The following SEMA4A variants were observed in gnomAD, a reference collection of about 807,000 sequenced individuals.
SEMA4A encodes the protein semaphorin 4A, also known as semaphorin-4A.
SEMA4A carries 52 observed loss-of-function variants against 72.5 expected under a neutral mutation model. The observed-to-expected ratio is 0.72, with a 90% confidence interval of 0.57 to 0.90. The LOEUF (loss-of-function observed/expected upper bound fraction) is 0.90. SEMA4A is among the 40% of genes least tolerant of loss of function. SEMA4A has a pLI of 0.00. For missense variants in SEMA4A, 926 were observed against 959.7 expected (o/e 0.96, Z 0.46); for synonymous variants, 369 against 393.1 (o/e 0.94, Z 0.73).
At chr1:156,173,134 C>A in intron 11 of SEMA4A, 128 bp downstream of exon 11, 1 of 966,078 alleles carries the variant, frequency 1.0e-6, no homozygotes, top group Non-Finnish European at 1.6e-6. Context: ...CTGCTATGTG[C>A]CTGGCATTCT....
At chr1:156,163,328 A>G in intron 10 of SEMA4A, 1 of 563,588 alleles carries the variant, frequency 1.8e-6, no homozygotes, top group Non-Finnish European at 3.2e-6. Context: ...AGTGTACACC[A>G]AATATCTGGG....
rs911784200 is a variant in SEMA4A at position 156,154,376 on chromosome 1, G to A, written c.-29-174G>A. ...GTGACAGGCTGAGGCCTGGAAGGAT[G>A]ATGAAAGTGAGACCGTCTTAGGGCC... On this transcript the variant is annotated intron_variant, in intron 1 of 14. Transcript: ENST00000368285. 6 of 621,656 alleles carry A rather than the reference G, an allele frequency of 9.7e-6. No individual in the cohort carries two copies. The East Asian group carries it at 1.7e-4, about 17-fold the overall frequency. The allele number at this position is 621,656 out of a possible 1,614,324, so 38.5% of individuals were successfully genotyped here.
At chr1:156,160,226 G>A (rs1653453844) in intron 6 of SEMA4A, among the ~76,000 whole-genome samples, 1 of 152,030 alleles carries the variant, frequency 6.6e-6, no homozygotes, top group African/African-American at 2.4e-5. Context: ...AAACACGGAG[G>A]GCCACACAGG....
upstream of SEMA4A, among the ~76,000 whole-genome samples, chr1:156,151,076 G>A (rs970732654): frequency 2.0e-5 from 3 of 152,216 alleles, no homozygotes; most frequent in African/African-American, 7.2e-5. Flanking sequence ...TCATTTGTAC[G>A]GTTGTCAGGA....
At chr1:156,174,144 G>A (rs991255641) in intron 11 of SEMA4A, among the ~76,000 whole-genome samples, 3 of 152,100 alleles carry the variant, frequency 2.0e-5, no homozygotes, top group African/African-American at 7.2e-5. Flanking sequence ...GAAAGAGGGA[G>A]ACGGAGTCAG....
intron 6 of SEMA4A, 42 bp from the exon 7 acceptor site, chr1:156,160,401 C>T (rs762838301): frequency 2.0e-6 from 3 of 1,497,744 alleles, no homozygotes; most frequent in South Asian, 1.1e-5. Flanking sequence ...CAGAGGAACC[C>T]TCCACCCCAT....
chr1:156,151,267 G>A (rs533603691), upstream of SEMA4A, among the ~76,000 whole-genome samples: 2 of 152,298 alleles, frequency 1.3e-5, no homozygotes, highest in Middle Eastern at 6.8e-3. Context: ...CTGAGCACAG[G>A]GCCCTGTGTG....
chr1:156,154,850 A>G, intron 2 of SEMA4A, 133 bp downstream of exon 2: 1 of 1,104,618 alleles, frequency 9.1e-7, no homozygotes, highest in Non-Finnish European at 1.3e-6. Flanking sequence ...TGCCAGGGAG[A>G]AACAGAGGAT....
At chr1:156,159,771 C>A (rs1653402789) in intron 6 of SEMA4A, among the ~76,000 whole-genome samples, 1 of 151,748 alleles carries the variant, frequency 6.6e-6, no homozygotes, top group South Asian at 2.1e-4. Context: ...AAAACAAAAA[C>A]AACAACAACA....
At chr1:156,176,321 G>C (rs2103013630) in intron 14 of SEMA4A, 84 bp from the exon 15 acceptor site, 2 of 1,063,550 alleles carry the variant, frequency 1.9e-6, no homozygotes, top group South Asian at 1.4e-5. Flanking sequence ...AGAGGGCTGG[G>C]GTCCAAAGAT....
At chr1:156,155,003 C>G (rs1383340311) in intron 2 of SEMA4A, 1 of 486,344 alleles carries the variant, frequency 2.1e-6, no homozygotes, top group African/African-American at 1.9e-5. Context: ...TTCTTTCCTT[C>G]CTTAAATATC....
rs777184442 is a variant in SEMA4A at position 156,154,659 on chromosome 1, G to A, written c.81G>A (p.Pro27=). The change falls in exon 2 of 15, where the codon CCG becomes CCA. Residue 27 remains proline (P), a synonymous_variant. Transcript: ENST00000368285. ...TCCAACTGCTTCAGCTGCTGCTGCC[G>A]ACGACGACCGCGGGGGGAGGCGGGC... ...FLFQLLQLLL[P]TTTAGGGGQG... 27 of 1,604,920 alleles carry A rather than the reference G, an allele frequency of 1.7e-5. No homozygotes were observed. The highest frequency in any genetic ancestry group is 9.0e-5 in the South Asian group (8 of 89,322).
intron 2 of SEMA4A, chr1:156,155,427 C>T (rs758354484): frequency 1.4e-4 from 22 of 152,688 alleles, no homozygotes; most frequent in Non-Finnish European, 2.5e-4. Context: ...GGATGCTGGG[C>T]GCACAAACAC....
chr1:156,155,852 C>T (rs892908373), intron 2 of SEMA4A: 2 of 192,558 alleles, frequency 1.0e-5, no homozygotes, highest in South Asian at 1.0e-4. Flanking sequence ...ACACCTGGCT[C>T]ACCATCCCTG....
In SEMA4A at chr1:156,156,579, G is replaced by A. The variant is rs761246859; in HGVS notation, c.300+5G>A. ...GTCCCCAGGCTAAAGAACATGGTGA[G>A]GAGTCCAGGGATAAAGAGTGTGGGC... On this transcript the variant is annotated splice_donor_5th_base_variant and intron_variant, in intron 3 of 14. Transcript: ENST00000368285. 2 of 1,613,710 alleles carry A rather than the reference G, an allele frequency of 1.2e-6. No individual in the cohort carries two copies. Among genetic ancestry groups the A allele is most frequent in the South Asian group, 2.2e-5 (2 of 91,052 alleles).
chr1:156,168,256 C>A (rs186687820), intron 10 of SEMA4A, among the ~76,000 whole-genome samples: 25 of 148,912 alleles, frequency 1.7e-4, no homozygotes, highest in African/African-American at 6.2e-4. Flanking sequence ...GAGTCTTGTT[C>A]TGTTGCCCAG....
chr1:156,170,035 C>T (rs1415646270), intron 10 of SEMA4A, among the ~76,000 whole-genome samples: 1 of 150,918 alleles, frequency 6.6e-6, no homozygotes, highest in Admixed American at 6.6e-5. Flanking sequence ...AAAAAAATTC[C>T]CTTTGGCCCA....
At chr1:156,160,347 C>T (rs1046228744) in intron 6 of SEMA4A, 96 bp from the exon 7 acceptor site, 7 of 961,348 alleles carry the variant, frequency 7.3e-6, no homozygotes, top group Non-Finnish European at 1.2e-5. Flanking sequence ...GCCCCCGAGA[C>T]TGATATGGAT....
rs1655149031 is a variant in SEMA4A at position 156,174,856 on chromosome 1, G to A, written c.1350G>A (p.Gly450=). The A allele has an allele frequency of 1.2e-6, 2 of 1,614,074 alleles. No individual in the cohort carries two copies. Among genetic ancestry groups the A allele is most frequent in the South Asian group, 2.2e-5 (2 of 91,086 alleles). The change falls in exon 12 of 15, where the codon GGG becomes GGA. Residue 450 remains glycine, a synonymous_variant. Coordinates refer to ENST00000368285, the MANE Select transcript of SEMA4A (RefSeq NM_022367.4). ...CGCTCCACAAGGCTGTGGTAAGTGG[G>A]GACAGCAGTGCTCATCTGGTGGAAG... The part of the protein sequence containing the change: ...TGSLHKAVVS[G]DSSAHLVEEI...
Sources: gnomAD v4.1 joint callset for allele counts (sites outside exome capture counted in the v4.1 genomes callset) on GRCh38, gnomAD v4.1.1 for gene constraint, MANE v1.5 for transcripts, NCBI Gene and HGNC (gene_info 2026-07-23, HGNC 2026-07-21) for gene names.